Variants in AWAT2 observed in about 807,000 individuals in gnomAD.
The protein encoded by AWAT2 is acyl-CoA wax alcohol acyltransferase 2.
Under a neutral mutation model 22.3 loss-of-function variants are expected in AWAT2, and 9 were observed. The observed-to-expected ratio is 0.40, with a 90% CI of 0.24 to 0.70. AWAT2 has a LOEUF of 0.70. Among genes scored for constraint, AWAT2 ranks in the 30% least tolerant of loss-of-function variants. The pLI is 0.36. For synonymous variants in AWAT2, 100 were observed against 93.4 expected, an observed-to-expected ratio of 1.07 and a Z score of -0.40; for missense variants, 217 against 265.9, an observed-to-expected ratio of 0.82 and a Z score of 1.28.
chrX:70,042,141 G>C, intron 6 of AWAT2, 46 bp downstream of exon 6: 2 of 1,148,467 alleles, frequency 1.7e-6, no homozygotes, highest in Non-Finnish European at 2.3e-6. Flanking sequence ...CTCAGAGCTA[G>C]ATCCTGTGTC....
At chrX:70,048,244 T>C (rs1406512231) in intron 1 of AWAT2, among the ~76,000 whole-genome samples, 1 of 110,807 alleles carries the variant, frequency 9.0e-6, no homozygotes, top group East Asian at 2.8e-4. Flanking sequence ...CCTGTGTCAG[T>C]CTCCCTCATG....
In AWAT2 at chrX:70,043,508, G is replaced by A; in HGVS notation, c.442C>T (p.Pro148Ser). The change falls in exon 4 of 8, where the codon CCT (proline) becomes TCT (serine). Residue 148 changes from proline (P) to serine (S), a missense_variant. Transcript: ENST00000276101. Reference protein sequence around the residue: ...ILTLGAFFWMPFLREYVMSTG... With the variant: ...ILTLGAFFWMSFLREYVMSTG... ...GACATTACATATTCTCTGAGGAAAG[G>A]CATCCAGAAAAAGGCTCCCAGTGTG... 1.7e-6 allele frequency: 2 copies of A among 1,210,532 alleles called. No homozygotes were observed. Among genetic ancestry groups the A allele is most frequent in the African/African-American group, 1.7e-5 (1 of 57,767 alleles).
chrX:70,049,503 C>A (rs2020384239), intron 1 of AWAT2, among the ~76,000 whole-genome samples: 1 of 111,578 alleles, frequency 9.0e-6, no homozygotes, highest in African/African-American at 3.3e-5. Context: ...TTTTCCTTGG[C>A]TAGCCTCAGT....
chrX:70,042,303 C>T lies in AWAT2; in HGVS notation c.731G>A (p.Arg244His), dbSNP rs776963283. ...HIFTPGGFVN[R>H]FQKWFQSMVH... is the part of the protein sequence containing the mutation. ...CATGCTCTGGAACCACTTCTGGAAG[C>T]GGTTGACAAAGCCACCAGGAGTGAA... The change falls in exon 6 of 8, where the codon CGC becomes CAC. Residue 244 changes from arginine to histidine, a missense_variant. Coordinates refer to ENST00000276101, the MANE Select transcript of AWAT2 (RefSeq NM_001002254.1). 1.9e-5 allele frequency: 23 copies of T among 1,209,688 alleles called. No individual in the cohort carries two copies. In the African/African-American group the frequency reaches 2.3e-4, roughly 12 times the overall value.
rs181095812 is a variant in AWAT2, at chrX:70,048,245, C to T, written c.85+1603G>A. 3.3e-4 allele frequency among the ~76,000 whole-genome samples: 37 copies of T among 111,231 alleles called. No homozygotes were observed. The East Asian group carries it at 0.01, about 31-fold the overall frequency. ...TCTGATGCCATCACCCTGTGTCAGT[C>T]TCCCTCATGGCTCCACATGGCTCTC... On this transcript the variant is annotated intron_variant, in intron 1 of 7. Coordinates refer to ENST00000276101, the MANE Select transcript of AWAT2 (RefSeq NM_001002254.1).
In AWAT2 at chrX:70,041,100, T is replaced by G. The variant is rs1366792890; in HGVS notation, c.*558A>C. On this transcript the variant is annotated 3_prime_UTR_variant, in exon 8 of 8. Coordinates refer to ENST00000276101, the MANE Select transcript of AWAT2 (RefSeq NM_001002254.1). ...AGAGGGTATTTCGGGCGTTGTTTGC[T>G]CAGGGACAGGAAATGGGTAAAATGG... 1 of 112,640 alleles carries G rather than the reference T, an allele frequency of 8.9e-6. No homozygotes were observed. The highest frequency in any genetic ancestry group is 3.7e-4 in the South Asian group (1 of 2,712). 9.3% of individuals were successfully genotyped at this position (112,640 alleles called of 1,213,427 possible).
intron 6 of AWAT2, 30 bp downstream of exon 6, chrX:70,042,157 C>T (rs2020332186): frequency 2.5e-6 from 3 of 1,178,087 alleles, no homozygotes; most frequent in Non-Finnish European, 3.4e-6. Flanking sequence ...GTGTCCTAGA[C>T]TCAGGCTGCC....
At chrX:70,041,730 T>C in intron 7 of AWAT2, 43 bp downstream of exon 7, 1 of 1,053,783 alleles carries the variant, frequency 9.5e-7, no homozygotes, top group Non-Finnish European at 1.3e-6. Context: ...GGGAGCCTGA[T>C]AGGTGACTTT....
At chrX:70,044,978 T>C (rs2147527362) in intron 1 of AWAT2, among the ~76,000 whole-genome samples, 1 of 112,467 alleles carries the variant, frequency 8.9e-6, no homozygotes, top group Non-Finnish European at 1.9e-5. Flanking sequence ...TAGAATAAGG[T>C]ACTGGGCTGT....
intron 1 of AWAT2, among the ~76,000 whole-genome samples, chrX:70,045,244 T>G (rs1291691323): frequency 8.9e-6 from 1 of 112,596 alleles, no homozygotes; most frequent in African/African-American, 3.2e-5. Context: ...CATTAAAATG[T>G]TTTTTAAAGT....
intron 1 of AWAT2, among the ~76,000 whole-genome samples, chrX:70,048,165 C>T (rs1364383302): frequency 9.0e-6 from 1 of 110,801 alleles, no homozygotes; most frequent in Non-Finnish European, 1.9e-5. Context: ...CCTGGCATTG[C>T]CCCTTCCACT....
chrX:70,046,109 G>C (rs1233381585), intron 1 of AWAT2, among the ~76,000 whole-genome samples: 1 of 111,718 alleles, frequency 9.0e-6, no homozygotes, highest in Non-Finnish European at 1.9e-5. Flanking sequence ...AGGATGGGGG[G>C]ACTTAGATTC....
rs2020351073 is a variant in AWAT2, at chrX:70,044,582, A to G, written c.86-120T>C. ...TCTCTCTCACCCATACCCACTCAACACTCTCACTTCTTCACCCCAGCACCT... is the reference window on the plus strand; with the variant it reads ...TCTCTCTCACCCATACCCACTCAACGCTCTCACTTCTTCACCCCAGCACCT... On this transcript the variant is annotated intron_variant, in intron 1 of 7. Transcript: ENST00000276101. 3 of 1,047,391 alleles carry G rather than the reference A, an allele frequency of 2.9e-6. No homozygotes were observed. The South Asian group carries it at 7.5e-5, about 26-fold the overall frequency. The allele number at this position is 1,047,391 out of a possible 1,213,427, so 86.3% of individuals were successfully genotyped here.
chrX:70,044,128 C>T (rs942341454), intron 2 of AWAT2, 132 bp from the exon 3 acceptor site: 33 of 901,570 alleles, frequency 3.7e-5, no homozygotes, highest in African/African-American at 8.0e-5. Context: ...CAATTTAGGA[C>T]AGGCCTAGCT....
chrX:70,042,891 CTTAT>C (rs1376612307), intron 5 of AWAT2, 174 bp downstream of exon 5: 3 of 387,594 alleles, frequency 7.7e-6, no homozygotes, highest in Non-Finnish European at 1.2e-5. Context: ...TTTTTTTTAA[CTTAT>C]TTATTTTTTT....
Position 70,042,053 on chromosome X carries a change from C to T in AWAT2, c.848-91G>A, listed in dbSNP as rs866925711. 4 of 1,100,502 alleles carry T rather than the reference C, an allele frequency of 3.6e-6. No individual in the cohort carries two copies. The Middle Eastern group carries it at 1.1e-3, about 310-fold the overall frequency. 90.7% of individuals were successfully genotyped at this position (1,100,502 alleles called of 1,213,427 possible). ...CCAGGCTTCAAGCCCAGACTCTTCC[C>T]CATCCTCACCTCAAAAAGCTGCCAC... is the stretch of plus-strand genomic sequence containing the variant. On this transcript the variant is annotated intron_variant, in intron 6 of 7. Coordinates refer to ENST00000276101, the MANE Select transcript of AWAT2 (RefSeq NM_001002254.1).
chrX:70,047,648 T>G (rs1297860068), intron 1 of AWAT2, among the ~76,000 whole-genome samples: 1 of 111,855 alleles, frequency 8.9e-6, no homozygotes, highest in Non-Finnish European at 1.9e-5. Context: ...TTTCCCTCAC[T>G]TATTGGGAGG....
Position 70,041,570 on chromosome X carries a change from C to A in AWAT2, c.*88G>T, listed in dbSNP as rs1426723233. 1 of 367,150 alleles carries A rather than the reference C, an allele frequency of 2.7e-6. No homozygotes were observed. The highest frequency in any genetic ancestry group is 4.4e-5 in the East Asian group (1 of 22,774). 30.3% of individuals were successfully genotyped at this position (367,150 alleles called of 1,213,427 possible). ...AGGGCACCTCTCCCCTAGGCTCTTC[C>A]CTGTTTCTTGGGACTATCTCACCAG... On this transcript the variant is annotated 3_prime_UTR_variant, in exon 8 of 8. Coordinates refer to ENST00000276101, the MANE Select transcript of AWAT2 (RefSeq NM_001002254.1).
chrX:70,041,785 G>A lies in AWAT2; in HGVS notation c.*23C>T. ...GGTCCATCCATACCTTCCAGCCAGG[G>A]TGAAGGCTACTGGGGATGTCTGTCA... On this transcript the variant is annotated 3_prime_UTR_variant, in exon 7 of 8. Transcript: ENST00000276101. 1 of 1,206,894 alleles carries A rather than the reference G, an allele frequency of 8.3e-7. No individual in the cohort carries two copies. Among genetic ancestry groups the A allele is most frequent in the Non-Finnish European group, 1.1e-6 (1 of 892,407 alleles).
Sources: allele counts gnomAD v4.1 joint callset (sites outside exome capture counted in the v4.1 genomes callset), GRCh38; gene constraint gnomAD v4.1.1; transcripts MANE v1.5; gene names NCBI Gene and HGNC (gene_info 2026-07-23, HGNC 2026-07-21).